The following ZBTB7C variants were observed in gnomAD, a reference collection of about 807,000 sequenced individuals.
ZBTB7C encodes the protein zinc finger and BTB domain containing 7C, also known as zinc finger and BTB domain-containing protein 7C.
A neutral mutation model predicts 25.7 loss-of-function variants in ZBTB7C; 8 were observed. That is an observed-to-expected ratio of 0.31 (90% confidence interval 0.18 to 0.56). The LOEUF (loss-of-function observed/expected upper bound fraction) is 0.56. Ranked by LOEUF, ZBTB7C falls within the 20% of genes least tolerant of loss-of-function variation. ZBTB7C has a pLI of 0.91. For missense variants in ZBTB7C, 824 were observed against 855.2 expected (o/e 0.96, Z 0.46); for synonymous variants, 394 against 369.0 (o/e 1.07, Z -0.78).
chr18:48,044,856 T>G (rs538804362), intron 3 of ZBTB7C, among the ~76,000 whole-genome samples: 1 of 152,356 alleles, frequency 6.6e-6, no homozygotes, highest in South Asian at 2.1e-4. Context: ...GTCCTCACAA[T>G]AACGCATTTA....
upstream of ZBTB7C, among the ~76,000 whole-genome samples, chr18:48,409,768 C>A (rs904157306): frequency 2.0e-5 from 3 of 152,064 alleles, no homozygotes; most frequent in African/African-American, 7.2e-5. Context: ...CGCCACCAAC[C>A]GCTCGGGGCT....
At chr18:48,300,852 C>A (rs1049897182) in intron 2 of ZBTB7C, among the ~76,000 whole-genome samples, 1 of 152,240 alleles carries the variant, frequency 6.6e-6, no homozygotes, top group Non-Finnish European at 1.5e-5. Context: ...GCATCAGAAG[C>A]CCATAGGACG....
chr18:48,311,489 G>A (rs867352587), intron 2 of ZBTB7C, among the ~76,000 whole-genome samples: 2 of 151,990 alleles, frequency 1.3e-5, no homozygotes, highest in Admixed American at 6.6e-5. Flanking sequence ...TCAGTAACTC[G>A]GTAAGAGGGG....
intron 1 of ZBTB7C, among the ~76,000 whole-genome samples, chr18:48,398,830 A>C (rs1369848022): frequency 6.6e-6 from 1 of 152,214 alleles, no homozygotes. Context: ...TTTTCTAAGA[A>C]GTTCAACCAA....
chr18:48,058,773 T>A (rs2037017996), intron 3 of ZBTB7C, among the ~76,000 whole-genome samples: 1 of 152,228 alleles, frequency 6.6e-6, no homozygotes, highest in Non-Finnish European at 1.5e-5. Context: ...CTATAAGAGA[T>A]ATTGCCACAT....
intron 4 of ZBTB7C, among the ~76,000 whole-genome samples, chr18:48,036,097 C>T (rs1319324665): frequency 6.6e-6 from 1 of 152,232 alleles, no homozygotes; most frequent in Non-Finnish European, 1.5e-5. Context: ...TGGTTGATGC[C>T]GTTGAGGCCC....
chr18:48,361,695 G>A (rs199777671), intron 1 of ZBTB7C, among the ~76,000 whole-genome samples: 1 of 152,210 alleles, frequency 6.6e-6, no homozygotes, highest in East Asian at 1.9e-4. Flanking sequence ...GAAATATCAA[G>A]CCCAGGCTGC....
chr18:48,338,538 C>T (rs1051815234), intron 1 of ZBTB7C, 140 bp from the exon 2 acceptor site: 6 of 152,420 alleles, frequency 3.9e-5, no homozygotes, highest in East Asian at 3.9e-4. Flanking sequence ...TATACCAACT[C>T]GATCTCATCC....
chr18:48,249,772 A>C (rs1332249395), intron 2 of ZBTB7C, among the ~76,000 whole-genome samples: 1 of 152,164 alleles, frequency 6.6e-6, no homozygotes, highest in Non-Finnish European at 1.5e-5. Flanking sequence ...TATCATCTTT[A>C]CTTTATTTAC....
intron 1 of ZBTB7C, among the ~76,000 whole-genome samples, chr18:48,389,855 A>G (rs1232361958): frequency 1.3e-5 from 2 of 152,238 alleles, no homozygotes; most frequent in Non-Finnish European, 2.9e-5. Flanking sequence ...ATATTTTTGA[A>G]TGAATTAATG....
chr18:48,389,226 CTCTCTCTCTCGTGTGTGTGT>C (rs1568418224), intron 1 of ZBTB7C, among the ~76,000 whole-genome samples: 16 of 110,154 alleles, frequency 1.5e-4, no homozygotes, highest in Admixed American at 4.1e-4. Flanking sequence ...CTCTCTCTCT[CTCTCTCTCTCGTGTGTGTGT>C]GTGTGTGTGT....
chr18:48,060,786 T>C (rs972383742), intron 3 of ZBTB7C, among the ~76,000 whole-genome samples: 8 of 152,092 alleles, frequency 5.3e-5, no homozygotes, highest in Non-Finnish European at 1.2e-4. Flanking sequence ...ATAGGTGCTA[T>C]TGTGATGGGC....
At chr18:48,093,883 G>A (rs1387305414) in intron 3 of ZBTB7C, among the ~76,000 whole-genome samples, 6 of 150,324 alleles carry the variant, frequency 4.0e-5, no homozygotes, top group African/African-American at 4.9e-5. Context: ...GTGAAATCCC[G>A]TCTCTACTAA....
intron 2 of ZBTB7C, among the ~76,000 whole-genome samples, chr18:48,245,090 G>GTATATACATATATATATA (rs138848813): frequency 8.2e-5 from 9 of 110,252 alleles, no homozygotes; most frequent in African/African-American, 3.7e-4. Context: ...GTGTGTGTGT[G>GTATATACATATATATATA]TGTATATATA....
chr18:48,128,003 G>C (rs969086514), intron 3 of ZBTB7C, among the ~76,000 whole-genome samples: 2 of 152,178 alleles, frequency 1.3e-5, no homozygotes, highest in African/African-American at 4.8e-5. Flanking sequence ...GGAGGACCCC[G>C]TAAGCTCCAT....
At chr18:48,370,812 C>T (rs1414286291) in intron 1 of ZBTB7C, among the ~76,000 whole-genome samples, 1 of 152,164 alleles carries the variant, frequency 6.6e-6, no homozygotes, top group Non-Finnish European at 1.5e-5. Flanking sequence ...TTCTGTCTCT[C>T]TTTGGAGAGG....
chr18:48,379,163 T>C (rs1250126574), intron 1 of ZBTB7C, among the ~76,000 whole-genome samples: 1 of 152,198 alleles, frequency 6.6e-6, no homozygotes, highest in Non-Finnish European at 1.5e-5. Flanking sequence ...CAAAGATCAG[T>C]TGACTACATT....
chr18:48,357,686 C>T (rs920534804), intron 1 of ZBTB7C, among the ~76,000 whole-genome samples: 1 of 152,186 alleles, frequency 6.6e-6, no homozygotes, highest in Non-Finnish European at 1.5e-5. Context: ...CAGGGCCTCC[C>T]ACCTCCTCCA....
At chr18:48,227,636 C>T (rs1051857902) in intron 2 of ZBTB7C, among the ~76,000 whole-genome samples, 1 of 152,206 alleles carries the variant, frequency 6.6e-6, no homozygotes, top group Admixed American at 6.5e-5. Flanking sequence ...AAACTGACCA[C>T]CTTTTAGAGT....
Sources: gnomAD v4.1 joint callset for allele counts (sites outside exome capture counted in the v4.1 genomes callset) on GRCh38, gnomAD v4.1.1 for gene constraint, MANE v1.5 for transcripts, NCBI Gene and HGNC (gene_info 2026-07-23, HGNC 2026-07-21) for gene names.